Variants in LAMA4 observed in about 807,000 individuals in gnomAD.
LAMA4 encodes laminin subunit alpha-4.
Under a neutral mutation model 207.1 loss-of-function variants are expected in LAMA4, and 127 were observed. The observed-to-expected ratio is 0.61, with a 90% CI of 0.53 to 0.71. LAMA4 has a LOEUF of 0.71. Among genes scored for constraint, LAMA4 ranks in the 30% least tolerant of loss-of-function variants. The pLI is 0.00. For missense variants in LAMA4, 2,093 were observed against 2,246.5 expected, an observed-to-expected ratio of 0.93 and a Z score of 1.38; for synonymous variants, 761 against 816.0, an observed-to-expected ratio of 0.93 and a Z score of 1.15.
chr6:112,190,924 TTTCTTTCTTTCTTTCTTTCTTTCC>T (rs1562714252), intron 6 of LAMA4, among the ~76,000 whole-genome samples: 6 of 104,230 alleles, frequency 5.8e-5, no homozygotes, highest in South Asian at 8.7e-4. Flanking sequence ...TCTTTCTTTC[TTTCTTTCTTTCTTTCTTTCTTTCC>T]TTTCTTTCTT....
At chr6:112,243,408 G>A (rs1786669275) in intron 2 of LAMA4, among the ~76,000 whole-genome samples, 1 of 152,096 alleles carries the variant, frequency 6.6e-6, no homozygotes, top group African/African-American at 2.4e-5. Flanking sequence ...CCCTTTAACT[G>A]GCGTAAATTT....
At chr6:112,133,542 A>T in intron 26 of LAMA4, 55 bp from the exon 27 acceptor site, 1 of 1,600,258 alleles carries the variant, frequency 6.2e-7, no homozygotes, top group Non-Finnish European at 8.6e-7. Context: ...GTTACCCTGC[A>T]TATGTAGGCT....
intron 18 of LAMA4, among the ~76,000 whole-genome samples, chr6:112,146,472 C>T (rs782338935): frequency 5.5e-4 from 83 of 152,274 alleles, no homozygotes; most frequent in Non-Finnish European, 9.4e-4. Context: ...GGCCCTGTCC[C>T]GAGCCCACTG....
intron 2 of LAMA4, among the ~76,000 whole-genome samples, chr6:112,247,240 C>G (rs1787018742): frequency 6.6e-6 from 1 of 152,132 alleles, no homozygotes; most frequent in African/African-American, 2.4e-5. Context: ...ATTTTACAAT[C>G]AAAGGAACTG....
intron 3 of LAMA4, among the ~76,000 whole-genome samples, chr6:112,209,726 C>A (rs1327604835): frequency 5.9e-5 from 9 of 152,164 alleles, no homozygotes; most frequent in Non-Finnish European, 1.2e-4. Context: ...TTTGAGATTG[C>A]AAAATGTCTT....
Position 112,236,732 on chromosome 6 carries a change from G to A in LAMA4, c.195+17224C>T, listed in dbSNP as rs140245264. 16 of 152,122 alleles carry A rather than the reference G, an allele frequency of 1.1e-4. 1 individual carries two copies. Among genetic ancestry groups the A allele is most frequent in the East Asian group, 9.7e-4 (5 of 5,172 alleles). 9.4% of individuals were successfully genotyped at this position (152,122 alleles called of 1,614,324 possible). ...GCTTAGGTTGCTGCTTTTTTAATTCGCATGGAAAACTAAAGTTTTTGATGC... is the reference window on the plus strand; with the variant it reads ...GCTTAGGTTGCTGCTTTTTTAATTCACATGGAAAACTAAAGTTTTTGATGC... On this transcript the variant is annotated intron_variant, in intron 2 of 38. Coordinates refer to ENST00000230538, the MANE Select transcript of LAMA4 (RefSeq NM_001105206.3).
chr6:112,242,928 T>A (rs1786624950), intron 2 of LAMA4, among the ~76,000 whole-genome samples: 1 of 152,194 alleles, frequency 6.6e-6, no homozygotes, highest in African/African-American at 2.4e-5. Flanking sequence ...AAATACCTTC[T>A]CCTCTCTGGA....
chr6:112,127,118 T>C lies in LAMA4; in HGVS notation c.4287+1804A>G, dbSNP rs552471409. 2.0e-5 allele frequency among the ~76,000 whole-genome samples: 3 copies of C among 152,300 alleles called. No individual in the cohort carries two copies. In the East Asian group the frequency reaches 5.8e-4, roughly 29 times the overall value. Reference sequence around the variant, plus strand: ...ATGATGCAGATAGCTGTGTATGTATTGAACACCTATTATATGCATTGTTCT... The same window carrying C: ...ATGATGCAGATAGCTGTGTATGTATCGAACACCTATTATATGCATTGTTCT... On this transcript the variant is annotated intron_variant, in intron 31 of 38. Coordinates refer to ENST00000230538, the MANE Select transcript of LAMA4 (RefSeq NM_001105206.3).
rs746482099 is a variant in LAMA4 at position 112,190,542 on chromosome 6, A to G, written c.718+1094T>C. 2.7e-4 allele frequency among the ~76,000 whole-genome samples: 41 copies of G among 152,362 alleles called. 1 individual carries two copies. The highest frequency in any genetic ancestry group is 1.4e-3 in the South Asian group (7 of 4,828). ...TCTCCCACTCTCCCCTCAAAGTCACATAAGAGTAAGACATACTCAATCTCA... is the reference window on the plus strand; with the variant it reads ...TCTCCCACTCTCCCCTCAAAGTCACGTAAGAGTAAGACATACTCAATCTCA... On this transcript the variant is annotated intron_variant, in intron 6 of 38. Transcript: ENST00000230538.
At position 112,122,642 on chromosome 6, in the gene LAMA4, A is replaced by G. The variant is rs587632869; in HGVS notation, c.4288-441T>C. ...CTTATGCATGTTGTGTAAAAAGTTA[A>G]CATAGCAACATCTTCAAAATACTTA... On this transcript the variant is annotated intron_variant, in intron 31 of 38. Transcript: ENST00000230538. Among the ~76,000 whole-genome samples, 4 of 152,336 alleles carry G rather than the reference A, an allele frequency of 2.6e-5. No homozygotes were observed. In the East Asian group the frequency reaches 7.7e-4, roughly 29 times the overall value.
At chr6:112,208,285 G>A (rs1784179370) in intron 3 of LAMA4, among the ~76,000 whole-genome samples, 1 of 152,208 alleles carries the variant, frequency 6.6e-6, no homozygotes, top group Admixed American at 6.5e-5. Flanking sequence ...CCTTGGGAAA[G>A]CAAGATGGAG....
intron 2 of LAMA4, among the ~76,000 whole-genome samples, chr6:112,246,862 C>A (rs1278810708): frequency 6.6e-6 from 1 of 152,116 alleles, no homozygotes; most frequent in Non-Finnish European, 1.5e-5. Flanking sequence ...ATTTAGCATT[C>A]ATTTCTCTTA....
intron 4 of LAMA4, among the ~76,000 whole-genome samples, chr6:112,204,087 C>T (rs939493421): frequency 6.6e-6 from 1 of 152,156 alleles, no homozygotes; most frequent in Admixed American, 6.5e-5. Context: ...AACTAACATA[C>T]CGGATACTGT....
intron 2 of LAMA4, among the ~76,000 whole-genome samples, chr6:112,251,042 G>C (rs1438274886): frequency 6.6e-6 from 1 of 152,154 alleles, no homozygotes; most frequent in African/African-American, 2.4e-5. Flanking sequence ...CACCTGTTGA[G>C]AATCACTGTT....
chr6:112,178,356 C>G (rs955005741), intron 9 of LAMA4, 124 bp from the exon 10 acceptor site: 33 of 722,088 alleles, frequency 4.6e-5, no homozygotes, highest in Middle Eastern at 4.7e-4. Context: ...TGTGAAAGTT[C>G]TATAACACAT....
At chr6:112,110,572 T>C (rs73541482) in intron 38 of LAMA4, among the ~76,000 whole-genome samples, 7,534 of 152,248 alleles carry the variant, frequency 0.049, 615 homozygotes, top group African/African-American at 0.17. Context: ...AGTTTTAGAT[T>C]TGGAAGGGGC....
chr6:112,136,691 CAAAA>C (rs57602663), intron 24 of LAMA4, among the ~76,000 whole-genome samples: 3 of 118,178 alleles, frequency 2.5e-5, no homozygotes, highest in Admixed American at 8.6e-5. Context: ...GACTCTGTCT[CAAAA>C]AAAAAAAAAA....
At chr6:112,213,380 A>G (rs1179944706) in intron 3 of LAMA4, among the ~76,000 whole-genome samples, 3 of 152,072 alleles carry the variant, frequency 2.0e-5, no homozygotes, top group Non-Finnish European at 4.4e-5. Flanking sequence ...CTCAATTTTT[A>G]TCTTGTGCCT....
At chr6:112,201,715 T>G in intron 4 of LAMA4, 27 bp from the exon 5 acceptor site, 1 of 1,568,228 alleles carries the variant, frequency 6.4e-7, no homozygotes, top group Non-Finnish European at 8.8e-7. Context: ...ATATTGGAAG[T>G]CAATTCCATA....
Sources: allele counts gnomAD v4.1 joint callset (sites outside exome capture counted in the v4.1 genomes callset), GRCh38; gene constraint gnomAD v4.1.1; transcripts MANE v1.5; gene names NCBI Gene and HGNC (gene_info 2026-07-23, HGNC 2026-07-21).